ME3: variants seen among roughly 807,000 people sequenced by gnomAD.
The protein encoded by ME3 is malic enzyme 3, also known as NADP-dependent malic enzyme, mitochondrial.
In ME3, 48 loss-of-function variants were observed where a neutral mutation model predicts 68.9. The ratio of observed to expected loss-of-function variants is 0.70; its 90% CI spans 0.55 to 0.89. The LOEUF (loss-of-function observed/expected upper bound fraction) is 0.89. Among genes scored for constraint, ME3 ranks in the 40% least tolerant of loss-of-function variants. The probability of loss-of-function intolerance (pLI) is 0.00; values close to 1 mark genes in which losing one functional copy is unlikely to be tolerated. For missense variants in ME3, 675 were observed against 797.4 expected (o/e 0.85, Z 1.85); for synonymous variants, 320 against 318.8 (o/e 1.00, Z -0.04).
intron 7 of ME3, among the ~76,000 whole-genome samples, chr11:86,483,003 T>A (rs150748272): frequency 1.3e-5 from 2 of 152,346 alleles, no homozygotes; most frequent in East Asian, 3.8e-4. Flanking sequence ...GATGTGTTCC[T>A]TGACACCACA....
intron 2 of ME3, among the ~76,000 whole-genome samples, chr11:86,653,072 C>T (rs530738547): frequency 6.6e-6 from 1 of 152,246 alleles, no homozygotes; most frequent in South Asian, 2.1e-4. Flanking sequence ...GCACCCAATA[C>T]AGGAGCACCC....
At chr11:86,605,746 C>T (rs1426887719) in intron 2 of ME3, among the ~76,000 whole-genome samples, 1 of 152,110 alleles carries the variant, frequency 6.6e-6, no homozygotes, top group Non-Finnish European at 1.5e-5. Flanking sequence ...AAAAATCACA[C>T]CCATTTTACA....
chr11:86,595,482 A>G (rs902542051), intron 2 of ME3, among the ~76,000 whole-genome samples: 2 of 116,930 alleles, frequency 1.7e-5, no homozygotes, highest in Non-Finnish European at 3.5e-5. Context: ...TCTGATCCCA[A>G]TTAGTCTGCC....
downstream of ME3, among the ~76,000 whole-genome samples, chr11:86,439,775 A>T (rs922237702): frequency 6.6e-6 from 1 of 152,150 alleles, no homozygotes; most frequent in African/African-American, 2.4e-5. Context: ...TTTCTCTACT[A>T]TTGTTTTTCT....
intron 2 of ME3, among the ~76,000 whole-genome samples, chr11:86,567,884 A>G (rs1957572369): frequency 6.6e-6 from 1 of 152,216 alleles, no homozygotes; most frequent in Non-Finnish European, 1.5e-5. Context: ...CTACAAAAGA[A>G]ATAAACTTTG....
chr11:86,650,500 C>G (rs1945330976), intron 2 of ME3, among the ~76,000 whole-genome samples: 1 of 152,204 alleles, frequency 6.6e-6, no homozygotes, highest in South Asian at 2.1e-4. Flanking sequence ...GCAAAAGAAA[C>G]TAGCATCAGA....
chr11:86,637,065 G>A (rs569854018), intron 2 of ME3, among the ~76,000 whole-genome samples: 2 of 152,124 alleles, frequency 1.3e-5, no homozygotes, highest in South Asian at 2.1e-4. Context: ...AAAAAATGGC[G>A]AAAAAAATGA....
rs762862505 is a variant in ME3 at position 86,449,877 on chromosome 11, G to A, written c.1131+12C>T. On this transcript the variant is annotated intron_variant, in intron 10 of 14. Transcript: ENST00000543262. ...GTGTCAGGAAACCTCCAGGTCTCCA[G>A]ACTGACAGTACCTTGACAATGAGCC... The A allele has an allele frequency of 3.1e-6, 5 of 1,604,046 alleles. No individual in the cohort carries two copies. The highest frequency in any genetic ancestry group is 3.4e-5 in the Admixed American group (2 of 58,942).
At chr11:86,556,496 AT>A in intron 4 of ME3, 56 bp downstream of exon 4, 2 of 1,564,010 alleles carry the variant, frequency 1.3e-6, no homozygotes. Context: ...GGCGGAAAGA[AT>A]TTATTCCCCT....
intron 4 of ME3, among the ~76,000 whole-genome samples, chr11:86,517,014 C>A (rs1357847182): frequency 6.6e-6 from 1 of 152,132 alleles, no homozygotes; most frequent in African/African-American, 2.4e-5. Flanking sequence ...CCTTCAAATA[C>A]TTATTTCATT....
chr11:86,566,448 A>G (rs991060010), intron 2 of ME3, among the ~76,000 whole-genome samples: 1 of 152,166 alleles, frequency 6.6e-6, no homozygotes, highest in Non-Finnish European at 1.5e-5. Flanking sequence ...CCTCAAAATG[A>G]TTTCATCCAA....
intron 8 of ME3, among the ~76,000 whole-genome samples, chr11:86,451,882 G>A (rs1350833205): frequency 4.6e-5 from 7 of 152,166 alleles, no homozygotes; most frequent in Admixed American, 4.6e-4. Flanking sequence ...AAATTCACTG[G>A]TCTTAACATG....
chr11:86,446,535 GT>G (rs1381288862), intron 12 of ME3, 48 bp from the exon 13 acceptor site: 1 of 1,575,336 alleles, frequency 6.3e-7, no homozygotes. Context: ...TTGGTTTGGG[GT>G]AATAATAGTG....
intron 2 of ME3, among the ~76,000 whole-genome samples, chr11:86,602,898 T>G (rs922789679): frequency 5.3e-5 from 8 of 152,230 alleles, no homozygotes; most frequent in Admixed American, 1.3e-4. Flanking sequence ...GCTAGCCATA[T>G]GTAGAAAGCT....
intron 4 of ME3, among the ~76,000 whole-genome samples, chr11:86,525,480 C>T (rs1954661739): frequency 6.6e-6 from 1 of 151,622 alleles, no homozygotes. Flanking sequence ...AATTAATTCT[C>T]CTATCAAAAG....
chr11:86,573,723 A>G (rs972014825), intron 2 of ME3, among the ~76,000 whole-genome samples: 3 of 152,204 alleles, frequency 2.0e-5, no homozygotes, highest in South Asian at 2.1e-4. Flanking sequence ...TTCAAAGGGA[A>G]TGCTTCCAGC....
chr11:86,566,460 A>T (rs1371059405), intron 2 of ME3, among the ~76,000 whole-genome samples: 2 of 152,178 alleles, frequency 1.3e-5, no homozygotes, highest in African/African-American at 4.8e-5. Context: ...TTCATCCAAA[A>T]TTATTACAAC....
At chr11:86,477,816 G>C (rs962851133) in intron 7 of ME3, among the ~76,000 whole-genome samples, 39 of 152,202 alleles carry the variant, frequency 2.6e-4, no homozygotes, top group African/African-American at 8.9e-4. Flanking sequence ...AGAGAGTTGG[G>C]TGCTAGTATG....
At chr11:86,571,822 T>C (rs1286563523) in intron 2 of ME3, among the ~76,000 whole-genome samples, 1 of 152,098 alleles carries the variant, frequency 6.6e-6, no homozygotes, top group African/African-American at 2.4e-5. Flanking sequence ...ATTAACGTAA[T>C]GCAAGGGAAG....
Sources: allele counts gnomAD v4.1 joint callset (sites outside exome capture counted in the v4.1 genomes callset), GRCh38; gene constraint gnomAD v4.1.1; transcripts MANE v1.5; gene names NCBI Gene and HGNC (gene_info 2026-07-23, HGNC 2026-07-21).